LRP1B: variants seen among roughly 807,000 people sequenced by gnomAD.
LRP1B encodes low-density lipoprotein receptor-related protein 1B.
In LRP1B, 217 loss-of-function variants were observed where a neutral mutation model predicts 556.6. The observed-to-expected ratio is 0.39, with a 90% CI of 0.35 to 0.44. LRP1B has a LOEUF of 0.44. Ranked by LOEUF, LRP1B falls within the 20% of genes least tolerant of loss-of-function variation. The pLI is 1.00. For missense variants in LRP1B, 5,053 were observed against 5,620.8 expected, an observed-to-expected ratio of 0.90 and a Z score of 3.23; for synonymous variants, 2,047 against 1,865.8, an observed-to-expected ratio of 1.10 and a Z score of -2.50.
intron 1 of LRP1B, among the ~76,000 whole-genome samples, chr2:142,091,605 T>G (rs144699951): frequency 4.6e-4 from 70 of 152,290 alleles, no homozygotes; most frequent in African/African-American, 1.6e-3. Context: ...GATTTCTTTC[T>G]ATATGTGAAA....
chr2:141,837,741 A>C (rs1313216173), intron 1 of LRP1B, among the ~76,000 whole-genome samples: 3 of 152,112 alleles, frequency 2.0e-5, no homozygotes, highest in African/African-American at 7.2e-5. Flanking sequence ...TCAATCAATG[A>C]ATAAATAAAT....
In LRP1B at chr2:140,526,239, C is replaced by A; in HGVS notation, c.7874G>T (p.Cys2625Phe). Residue 2625 changes from cysteine to phenylalanine, a missense_variant and splice_region_variant, in exon 48 of 91, where the codon TGC (cysteine) becomes TTC (phenylalanine). By Grantham distance (205) the Cys-to-Phe change is radical. Transcript: ENST00000389484. Reference protein sequence around the residue: ...DCADASDEKNCNNTDCTHFYK... With the variant: ...DCADASDEKNFNNTDCTHFYK... ...CAAAAGGTAGTGGAATATCTTACTG[C>A]AGTTCTTTTCATCTGAAGCATCTGC... 1 of 1,610,304 alleles carries A rather than the reference C, an allele frequency of 6.2e-7. No homozygotes were observed. Among genetic ancestry groups the A allele is most frequent in the South Asian group, 1.1e-5 (1 of 90,982 alleles).
chr2:140,686,215 A>G (rs1293053351), intron 41 of LRP1B, among the ~76,000 whole-genome samples: 1 of 152,126 alleles, frequency 6.6e-6, no homozygotes, highest in African/African-American at 2.4e-5. Context: ...TGGATTAACT[A>G]GTTGGACATC....
intron 41 of LRP1B, among the ~76,000 whole-genome samples, chr2:140,666,015 A>G (rs1685255594): frequency 6.7e-6 from 1 of 148,780 alleles, no homozygotes; most frequent in African/African-American, 2.5e-5. Context: ...TTTTCCTGAG[A>G]CGGAGTCTCA....
intron 60 of LRP1B, 47 bp from the exon 61 acceptor site, chr2:140,457,698 C>T (rs1687159691): frequency 6.9e-7 from 1 of 1,452,164 alleles, no homozygotes; most frequent in Non-Finnish European, 9.6e-7. Context: ...GGAAGACTGC[C>T]AGTTAAAATA....
At chr2:140,727,079 T>C (rs1451669529) in intron 35 of LRP1B, among the ~76,000 whole-genome samples, 1 of 152,128 alleles carries the variant, frequency 6.6e-6, no homozygotes, top group Non-Finnish European at 1.5e-5. Flanking sequence ...CTTTAAAAAA[T>C]TTTTATCTGT....
intron 70 of LRP1B, 87 bp downstream of exon 70, chr2:140,371,092 A>G (rs1307387486): frequency 1.8e-5 from 17 of 936,422 alleles, no homozygotes; most frequent in Middle Eastern, 3.4e-4. Flanking sequence ...CTAAGAATCA[A>G]GATTCTTTCT....
intron 41 of LRP1B, among the ~76,000 whole-genome samples, chr2:140,671,105 T>TAAAAAA (rs1276416176): frequency 6.6e-6 from 1 of 152,230 alleles, no homozygotes; most frequent in Non-Finnish European, 1.5e-5. Flanking sequence ...TTTGGTAGCT[T>TAAAAAA]AAAAGAACAT....
intron 84 of LRP1B, among the ~76,000 whole-genome samples, chr2:140,291,318 A>ATATTTTTT (rs369391920): frequency 3.8e-4 from 41 of 109,322 alleles, no homozygotes; most frequent in African/African-American, 1.2e-3. Flanking sequence ...ATATATATAT[A>ATATTTTTT]TTTTTATTAT....
intron 1 of LRP1B, among the ~76,000 whole-genome samples, chr2:141,992,152 T>C (rs6429940): frequency 0.87 from 131,794 of 152,116 alleles, 57,189 homozygotes; most frequent in East Asian, 0.95. Context: ...TTTGTATTTT[T>C]TAATCATTTA....
chr2:140,359,549 T>C (rs1374659903), intron 72 of LRP1B, among the ~76,000 whole-genome samples: 3 of 151,668 alleles, frequency 2.0e-5, no homozygotes, highest in Admixed American at 6.6e-5. Flanking sequence ...TGTCTCCTTA[T>C]CACTATCTAA....
intron 2 of LRP1B, among the ~76,000 whole-genome samples, chr2:141,591,600 G>GTA (rs1482790445): frequency 6.6e-6 from 1 of 151,708 alleles, no homozygotes; most frequent in Non-Finnish European, 1.5e-5. Flanking sequence ...GTGTGTGTGT[G>GTA]TGTGTGTGTC....
intron 1 of LRP1B, among the ~76,000 whole-genome samples, chr2:141,828,866 T>TA (rs138193487): frequency 1.7e-4 from 26 of 151,398 alleles, no homozygotes; most frequent in Admixed American, 7.2e-4. Context: ...GCTATGAAAT[T>TA]AAAAAAAAAT....
intron 3 of LRP1B, among the ~76,000 whole-genome samples, chr2:141,342,255 A>T (rs887487806): frequency 1.6e-5 from 2 of 125,054 alleles, no homozygotes; most frequent in African/African-American, 3.2e-5. Context: ...AAAAAAAAAA[A>T]AATAAAATAA....
chr2:140,623,297 T>C (rs1683522759), intron 41 of LRP1B, among the ~76,000 whole-genome samples: 1 of 152,140 alleles, frequency 6.6e-6, no homozygotes, highest in Non-Finnish European at 1.5e-5. Context: ...CAACAATTTG[T>C]TTGAATAAAA....
intron 2 of LRP1B, among the ~76,000 whole-genome samples, chr2:141,482,947 GTTTTGT>G (rs1395061365): frequency 1.5e-4 from 4 of 27,148 alleles, no homozygotes; most frequent in Non-Finnish European, 4.0e-4. Context: ...TTTTTGTTTT[GTTTTGT>G]TTTTTTATTT....
At chr2:140,552,724 C>T (rs6741670) in intron 43 of LRP1B, among the ~76,000 whole-genome samples, 66,845 of 151,912 alleles carry the variant, frequency 0.44, 15,457 homozygotes, top group East Asian at 0.58. Context: ...ATGGCATAAT[C>T]TTAAGGCACT....
At chr2:141,470,705 G>A (rs1157559307) in intron 3 of LRP1B, among the ~76,000 whole-genome samples, 1 of 152,148 alleles carries the variant, frequency 6.6e-6, no homozygotes, top group African/African-American at 2.4e-5. Flanking sequence ...TAAATATCAA[G>A]CTGCTGTGTC....
chr2:140,791,256 G>A (rs1690109920), intron 32 of LRP1B, among the ~76,000 whole-genome samples: 1 of 151,482 alleles, frequency 6.6e-6, no homozygotes, highest in African/African-American at 2.4e-5. Context: ...CCATCTAAAA[G>A]CAAAACAAAA....
Sources: gnomAD v4.1 joint callset for allele counts (sites outside exome capture counted in the v4.1 genomes callset) on GRCh38, gnomAD v4.1.1 for gene constraint, MANE v1.5 for transcripts, NCBI Gene and HGNC (gene_info 2026-07-23, HGNC 2026-07-21) for gene names.